SGMS1: variants seen among roughly 807,000 people sequenced by gnomAD.
SGMS1 encodes phosphatidylcholine:ceramide cholinephosphotransferase 1.
A neutral mutation model predicts 46.2 loss-of-function variants in SGMS1; 13 were observed. The observed-to-expected ratio is 0.28, with a 90% CI of 0.18 to 0.45. The LOEUF is 0.45. Ranked by LOEUF, SGMS1 falls within the 20% of genes least tolerant of loss-of-function variation. SGMS1 has a pLI of 1.00. For synonymous variants in SGMS1, 203 were observed against 187.8 expected (o/e 1.08, Z -0.66); for missense variants, 324 against 519.9 (o/e 0.62, Z 3.66).
chr10:50,539,511 C>T (rs767452623), intron 2 of SGMS1, among the ~76,000 whole-genome samples: 4 of 152,190 alleles, frequency 2.6e-5, no homozygotes, highest in Non-Finnish European at 5.9e-5. Flanking sequence ...ACAGTATACA[C>T]TAAGTATTAT....
chr10:50,333,618 G>A (rs1266200033), intron 7 of SGMS1, among the ~76,000 whole-genome samples: 1 of 152,076 alleles, frequency 6.6e-6, no homozygotes, highest in East Asian at 1.9e-4. Context: ...CTCCATTTAG[G>A]AAAATCCAGG....
intron 7 of SGMS1, among the ~76,000 whole-genome samples, chr10:50,330,256 T>TCAGCCTGG (rs1224680033): frequency 1.3e-5 from 2 of 151,878 alleles, no homozygotes; most frequent in Admixed American, 6.6e-5. Flanking sequence ...GAGTTCAAGA[T>TCAGCCTGG]CAGCCTGGAC....
intron 7 of SGMS1, among the ~76,000 whole-genome samples, chr10:50,329,945 T>C (rs985837425): frequency 1.3e-5 from 2 of 152,230 alleles, no homozygotes; most frequent in Non-Finnish European, 2.9e-5. Context: ...AAAAGGAAAA[T>C]GTATCTGTTC....
chr10:50,470,817 A>G (rs189786256), intron 3 of SGMS1, among the ~76,000 whole-genome samples: 2 of 152,300 alleles, frequency 1.3e-5, no homozygotes, highest in South Asian at 2.1e-4. Context: ...AACAAAAAAT[A>G]AAAAAGACCA....
intron 2 of SGMS1, among the ~76,000 whole-genome samples, chr10:50,548,666 G>A (rs535412960): frequency 3.3e-5 from 5 of 152,160 alleles, no homozygotes; most frequent in South Asian, 4.2e-4. Context: ...ATTTCATGAC[G>A]AAATGCCAAA....
intron 3 of SGMS1, among the ~76,000 whole-genome samples, chr10:50,479,998 T>A (rs137923322): frequency 1.3e-3 from 191 of 152,348 alleles, no homozygotes; most frequent in African/African-American, 4.3e-3. Context: ...AAAACTCATT[T>A]CATTAATTAT....
intron 5 of SGMS1, among the ~76,000 whole-genome samples, chr10:50,458,649 G>A (rs995421905): frequency 1.3e-5 from 2 of 151,910 alleles, no homozygotes; most frequent in African/African-American, 2.4e-5. Flanking sequence ...ATGAGCCACC[G>A]CTTCCGGCCG....
At chr10:50,535,238 C>CAAT (rs1837990073) in intron 2 of SGMS1, among the ~76,000 whole-genome samples, 1 of 151,304 alleles carries the variant, frequency 6.6e-6, no homozygotes, top group East Asian at 1.9e-4. Context: ...CTCAAAACAA[C>CAAT]AACAACAACA....
intron 3 of SGMS1, among the ~76,000 whole-genome samples, chr10:50,469,406 A>T (rs1837359267): frequency 6.6e-6 from 1 of 152,106 alleles, no homozygotes; most frequent in Admixed American, 6.5e-5. Flanking sequence ...TCTTCCTTTT[A>T]TGGGATCTAG....
intron 6 of SGMS1, among the ~76,000 whole-genome samples, chr10:50,419,696 T>C (rs991341467): frequency 1.3e-5 from 2 of 152,286 alleles, no homozygotes; most frequent in South Asian, 4.2e-4. Flanking sequence ...GAGGTCCCAT[T>C]AAGAAATGAG....
intron 2 of SGMS1, among the ~76,000 whole-genome samples, chr10:50,589,906 G>T (rs985740191): frequency 3.3e-5 from 5 of 152,132 alleles, no homozygotes; most frequent in African/African-American, 9.7e-5. Flanking sequence ...TTTCAGGGAA[G>T]AATATCCTTA....
At chr10:50,531,726 A>T (rs908741163) in intron 2 of SGMS1, among the ~76,000 whole-genome samples, 1 of 152,082 alleles carries the variant, frequency 6.6e-6, no homozygotes, top group East Asian at 1.9e-4. Flanking sequence ...CACCTTCCCT[A>T]CCTGCCCACT....
At chr10:50,476,566 A>G (rs1267255962) in intron 3 of SGMS1, among the ~76,000 whole-genome samples, 1 of 152,238 alleles carries the variant, frequency 6.6e-6, no homozygotes, top group Non-Finnish European at 1.5e-5. Context: ...AATAGCCAAC[A>G]CAACAGGGAA....
intron 6 of SGMS1, among the ~76,000 whole-genome samples, chr10:50,352,547 C>G (rs1040970940): frequency 3.9e-5 from 6 of 152,110 alleles, no homozygotes; most frequent in African/African-American, 1.4e-4. Flanking sequence ...ACAGAAGTAG[C>G]ACAGAAATAC....
intron 6 of SGMS1, among the ~76,000 whole-genome samples, chr10:50,361,121 A>G (rs988532269): frequency 2.0e-4 from 31 of 152,324 alleles, no homozygotes; most frequent in African/African-American, 6.5e-4. Context: ...GGGGCATAGC[A>G]GCAGGGGATT....
At chr10:50,400,161 T>A in intron 6 of SGMS1, among the ~76,000 whole-genome samples, 1 of 151,882 alleles carries the variant, frequency 6.6e-6, no homozygotes, top group Non-Finnish European at 1.5e-5. Flanking sequence ...TATAACTGTC[T>A]ATACTTTCTA....
intron 3 of SGMS1, among the ~76,000 whole-genome samples, chr10:50,487,209 T>C (rs971861916): frequency 3.3e-5 from 5 of 152,148 alleles, no homozygotes; most frequent in African/African-American, 1.2e-4. Flanking sequence ...TGGAAGCCAT[T>C]ATCCTCAGCA....
intron 5 of SGMS1, among the ~76,000 whole-genome samples, chr10:50,442,131 C>G (rs1480163361): frequency 1.3e-5 from 2 of 150,804 alleles, no homozygotes; most frequent in Non-Finnish European, 3.0e-5. Flanking sequence ...AAAAACAAAA[C>G]AAAACAAAAC....
intron 3 of SGMS1, among the ~76,000 whole-genome samples, chr10:50,489,335 CAT>C (rs764174889): frequency 6.6e-6 from 1 of 152,226 alleles, no homozygotes; most frequent in Non-Finnish European, 1.5e-5. Context: ...TTATCCGAAA[CAT>C]GTGGATGCTT....
Sources: gnomAD v4.1 joint callset for allele counts (sites outside exome capture counted in the v4.1 genomes callset) on GRCh38, gnomAD v4.1.1 for gene constraint, MANE v1.5 for transcripts, NCBI Gene and HGNC (gene_info 2026-07-23, HGNC 2026-07-21) for gene names.